The following ASB5 variants were observed in gnomAD, a reference collection of about 807,000 sequenced individuals.
ASB5 encodes ankyrin repeat and SOCS box protein 5.
A neutral mutation model predicts 42.1 loss-of-function variants in ASB5; 45 were observed. The observed-to-expected ratio is 1.07, with a 90% confidence interval of 0.84 to 1.37. ASB5 has a LOEUF of 1.37. ASB5 is among the 40% of genes most tolerant of loss of function. ASB5 has a pLI of 0.00. For synonymous variants in ASB5, 147 were observed against 150.6 expected (o/e 0.98, Z 0.18); for missense variants, 402 against 399.8 (o/e 1.01, Z -0.05).
At chr4:176,222,237 A>G in intron 3 of ASB5, 76 bp downstream of exon 3, 1 of 1,345,722 alleles carries the variant, frequency 7.4e-7, no homozygotes. Context: ...TGAAGGAAAG[A>G]AAAGTAAAAT....
At chr4:176,251,714 T>C (rs888526564) in intron 1 of ASB5, among the ~76,000 whole-genome samples, 1 of 150,962 alleles carries the variant, frequency 6.6e-6, no homozygotes, top group South Asian at 2.1e-4. Context: ...ATCTTCGAGT[T>C]AATAAGACAT....
intron 1 of ASB5, among the ~76,000 whole-genome samples, chr4:176,247,466 T>C (rs941928416): frequency 2.0e-5 from 3 of 152,160 alleles, no homozygotes; most frequent in Non-Finnish European, 2.9e-5. Context: ...ATCAGTTTAG[T>C]GTAGTATAGG....
chr4:176,258,258 A>G (rs1244829080), intron 1 of ASB5, among the ~76,000 whole-genome samples: 3 of 152,070 alleles, frequency 2.0e-5, no homozygotes, highest in African/African-American at 7.2e-5. Context: ...TACCTCCATT[A>G]AACTGAGATC....
chr4:176,254,316 A>T (rs949144259), intron 1 of ASB5, among the ~76,000 whole-genome samples: 16 of 152,050 alleles, frequency 1.1e-4, no homozygotes, highest in Admixed American at 8.5e-4. Context: ...TGGGGAAAGG[A>T]CTCCCCATTC....
intron 5 of ASB5, among the ~76,000 whole-genome samples, chr4:176,219,382 A>C (rs1196681362): frequency 9.8e-6 from 1 of 101,870 alleles, no homozygotes; most frequent in Admixed American, 1.4e-4. Flanking sequence ...TGTATGATAT[A>C]TAAATATATA....
intron 1 of ASB5, among the ~76,000 whole-genome samples, chr4:176,247,870 A>T (rs1753942323): frequency 6.6e-6 from 1 of 152,234 alleles, no homozygotes; most frequent in Non-Finnish European, 1.5e-5. Flanking sequence ...AAGCCACAGA[A>T]GATATTTGTA....
At chr4:176,251,816 C>T (rs545934810) in intron 1 of ASB5, among the ~76,000 whole-genome samples, 25 of 151,274 alleles carry the variant, frequency 1.7e-4, no homozygotes, top group Non-Finnish European at 3.2e-4. Context: ...CCTATAATCC[C>T]AGCATTAGGC....
At chr4:176,250,637 T>A (rs2126969463) in intron 1 of ASB5, among the ~76,000 whole-genome samples, 1 of 152,304 alleles carries the variant, frequency 6.6e-6, no homozygotes, top group East Asian at 1.9e-4. Flanking sequence ...TCAAAGCGGC[T>A]CATAGGGCTA....
chr4:176,273,543 A>G (rs946223867), upstream of ASB5, among the ~76,000 whole-genome samples: 34 of 152,208 alleles, frequency 2.2e-4, 1 homozygote. Context: ...CAAAAGAGTA[A>G]TTTCTGCTAG....
intron 1 of ASB5, among the ~76,000 whole-genome samples, chr4:176,232,984 T>G (rs1212689661): frequency 2.0e-5 from 3 of 152,206 alleles, no homozygotes; most frequent in African/African-American, 4.8e-5. Context: ...CCAGCATAGA[T>G]ATTTACTAGT....
intron 2 of ASB5, among the ~76,000 whole-genome samples, chr4:176,274,278 T>C (rs1320043424): frequency 1.3e-5 from 2 of 152,176 alleles, no homozygotes; most frequent in African/African-American, 4.8e-5. Context: ...TAATATAGAT[T>C]TGACAGTAAT....
At chr4:176,241,641 T>A in intron 1 of ASB5, 1 of 1,384,466 alleles carries the variant, frequency 7.2e-7, no homozygotes, top group Non-Finnish European at 9.3e-7. Flanking sequence ...TACTTAAACA[T>A]GAGTACCTAA....
At chr4:176,236,050 A>G (rs1448389720) in intron 1 of ASB5, among the ~76,000 whole-genome samples, 1 of 152,162 alleles carries the variant, frequency 6.6e-6, no homozygotes, top group Non-Finnish European at 1.5e-5. Flanking sequence ...TGTCGAAAAA[A>G]AATTGTATAG....
intron 1 of ASB5, among the ~76,000 whole-genome samples, chr4:176,248,469 C>T (rs765290605): frequency 1.2e-4 from 18 of 152,112 alleles, no homozygotes; most frequent in Non-Finnish European, 2.6e-4. Context: ...ATTCTCATAA[C>T]CTGCTGGGGT....
At chr4:176,246,065 A>T (rs910081258) in intron 1 of ASB5, among the ~76,000 whole-genome samples, 3 of 151,514 alleles carry the variant, frequency 2.0e-5, no homozygotes, top group Admixed American at 6.6e-5. Context: ...TTACACAGAT[A>T]AAAAAAAAGA....
chr4:176,242,546 T>C (rs970786040), intron 1 of ASB5, among the ~76,000 whole-genome samples: 12 of 152,262 alleles, frequency 7.9e-5, no homozygotes, highest in African/African-American at 2.7e-4. Flanking sequence ...TATGTTGTTA[T>C]ATAATAACCA....
chr4:176,234,349 A>T (rs768543919), intron 1 of ASB5, among the ~76,000 whole-genome samples: 1 of 151,916 alleles, frequency 6.6e-6, no homozygotes, highest in Non-Finnish European at 1.5e-5. Context: ...TTCCTTACAC[A>T]ACCTTCTGTT....
At chr4:176,274,909 A>ATTTT (rs35690692) in intron 2 of ASB5, among the ~76,000 whole-genome samples, 36 of 106,306 alleles carry the variant, frequency 3.4e-4, no homozygotes, top group African/African-American at 4.0e-4. Flanking sequence ...CAGCATAGCA[A>ATTTT]TTTTTTTTTT....
intron 1 of ASB5, among the ~76,000 whole-genome samples, chr4:176,226,798 GT>G (rs1753391932): frequency 6.6e-6 from 1 of 152,092 alleles, no homozygotes; most frequent in African/African-American, 2.4e-5. Context: ...ATTTCCTGTG[GT>G]CCCCCCACCC....
Sources: gnomAD v4.1 joint callset for allele counts (sites outside exome capture counted in the v4.1 genomes callset) on GRCh38, gnomAD v4.1.1 for gene constraint, MANE v1.5 for transcripts, NCBI Gene and HGNC (gene_info 2026-07-23, HGNC 2026-07-21) for gene names.